The following ITK variants were observed in gnomAD, a reference collection of about 807,000 sequenced individuals.
ITK encodes the protein IL2 inducible T cell kinase, also known as tyrosine-protein kinase ITK/TSK.
Under a neutral mutation model 87.6 loss-of-function variants are expected in ITK, and 45 were observed. The observed-to-expected ratio is 0.51, with a 90% CI of 0.40 to 0.66. ITK has a LOEUF of 0.66. Ranked by LOEUF, ITK falls within the 30% of genes least tolerant of loss-of-function variation. The pLI is 0.00. For synonymous variants in ITK, 303 were observed against 273.6 expected (o/e 1.11, Z -1.06); for missense variants, 605 against 766.3 (o/e 0.79, Z 2.48).
At chr5:157,222,783 T>TC in intron 5 of ITK, 80 bp from the exon 6 acceptor site, 1 of 1,412,048 alleles carries the variant, frequency 7.1e-7, no homozygotes, top group Non-Finnish European at 1.0e-6. Flanking sequence ...GCAGACTGTC[T>TC]CCCCAGACAC....
rs1402293533 is a variant in ITK, at chr5:157,209,006, G to T, written c.243+13G>T. 2 of 1,539,704 alleles carry T rather than the reference G, an allele frequency of 1.3e-6. No homozygotes were observed. Among genetic ancestry groups the T allele is most frequent in the Non-Finnish European group, 1.8e-6 (2 of 1,112,200 alleles). On this transcript the variant is annotated intron_variant, in intron 2 of 16. Transcript: ENST00000422843. ...ATACCCGTTTCAGGTAAGTCCATCAGGTGGGTAGTTCCCCATTCCCTGGAC... is the reference window on the plus strand; with the variant it reads ...ATACCCGTTTCAGGTAAGTCCATCATGTGGGTAGTTCCCCATTCCCTGGAC...
At chr5:157,231,941 C>T (rs1362228326) in intron 7 of ITK, among the ~76,000 whole-genome samples, 1 of 152,192 alleles carries the variant, frequency 6.6e-6, no homozygotes, top group African/African-American at 2.4e-5. Flanking sequence ...GAACTGTCTA[C>T]TGACTTATGA....
chr5:157,210,722 G>A (rs1754174520), intron 2 of ITK, among the ~76,000 whole-genome samples: 1 of 112,940 alleles, frequency 8.9e-6, no homozygotes, highest in Non-Finnish European at 1.7e-5. Context: ...AGTCCCCAGA[G>A]TGTGATATTC....
chr5:157,204,063 G>A (rs530866416), intron 1 of ITK, among the ~76,000 whole-genome samples: 17 of 152,182 alleles, frequency 1.1e-4, no homozygotes, highest in South Asian at 4.1e-4. Context: ...TGGGGTCGAC[G>A]GCACCATCAC....
chr5:157,232,622 G>A (rs1421973981), intron 8 of ITK, among the ~76,000 whole-genome samples: 1 of 151,880 alleles, frequency 6.6e-6, no homozygotes, highest in African/African-American at 2.4e-5. Flanking sequence ...AGGGAAGAAA[G>A]GTAAAAATGA....
intron 1 of ITK, among the ~76,000 whole-genome samples, chr5:157,181,820 C>A (rs1753534943): frequency 6.6e-6 from 1 of 152,172 alleles, no homozygotes; most frequent in South Asian, 2.1e-4. Context: ...CTAGGTCAGT[C>A]TATCTCTTTA....
At chr5:157,247,934 A>T (rs975711578) in intron 15 of ITK, among the ~76,000 whole-genome samples, 1 of 152,178 alleles carries the variant, frequency 6.6e-6, no homozygotes, top group Non-Finnish European at 1.5e-5. Flanking sequence ...TTTCAAAAAA[A>T]TTTTCACTAA....
At chr5:157,239,500 C>T (rs917428182) in intron 9 of ITK, among the ~76,000 whole-genome samples, 3 of 112,582 alleles carry the variant, frequency 2.7e-5, no homozygotes, top group African/African-American at 6.2e-5. Flanking sequence ...GGAAAACAAG[C>T]GTTCACCATA....
intron 6 of ITK, chr5:157,224,406 C>T (rs1019099946): frequency 2.6e-5 from 4 of 152,170 alleles, no homozygotes; most frequent in African/African-American, 9.6e-5. Context: ...CTGCATCTTG[C>T]TTTTAATTTT....
intron 6 of ITK, 119 bp from the exon 7 acceptor site, chr5:157,228,177 G>T (rs911499838): frequency 7.5e-5 from 55 of 730,628 alleles, no homozygotes; most frequent in Non-Finnish European, 1.2e-4. Flanking sequence ...ATGTCTTATC[G>T]CAAATGCCAA....
chr5:157,227,334 G>T (rs1754552179), intron 6 of ITK, among the ~76,000 whole-genome samples: 1 of 152,172 alleles, frequency 6.6e-6, no homozygotes, highest in Non-Finnish European at 1.5e-5. Context: ...AAAGAAGTTT[G>T]ATATTCTTAT....
At chr5:157,214,412 A>C in intron 4 of ITK, 93 bp downstream of exon 4, 2 of 1,029,556 alleles carry the variant, frequency 1.9e-6, no homozygotes, top group Non-Finnish European at 3.1e-6. Flanking sequence ...TCAGGAACAG[A>C]ATGCAAAATT....
intron 5 of ITK, among the ~76,000 whole-genome samples, chr5:157,218,872 C>G (rs1223072220): frequency 6.6e-6 from 1 of 152,148 alleles, no homozygotes. Flanking sequence ...AGGCCCCACC[C>G]CCAGACCTGC....
At chr5:157,219,299 G>A (rs2113758856) in intron 5 of ITK, among the ~76,000 whole-genome samples, 1 of 151,992 alleles carries the variant, frequency 6.6e-6, no homozygotes, top group South Asian at 2.1e-4. Flanking sequence ...TTTTAATAGA[G>A]ACCGACTTTT....
chr5:157,200,434 A>AT (rs1414928347), intron 1 of ITK, among the ~76,000 whole-genome samples: 1 of 152,092 alleles, frequency 6.6e-6, no homozygotes, highest in Non-Finnish European at 1.5e-5. Flanking sequence ...TTACCCTGGC[A>AT]TTTTTCAGAA....
intron 6 of ITK, among the ~76,000 whole-genome samples, chr5:157,226,106 G>T (rs1754525852): frequency 6.6e-6 from 1 of 152,214 alleles, no homozygotes; most frequent in Non-Finnish European, 1.5e-5. Flanking sequence ...AGCTACTCTT[G>T]TCATATGAAG....
chr5:157,193,468 T>G (rs1423457938), intron 1 of ITK, among the ~76,000 whole-genome samples: 1 of 152,214 alleles, frequency 6.6e-6, no homozygotes, highest in African/African-American at 2.4e-5. Flanking sequence ...CAGCCAATAT[T>G]TAATGAGTTC....
In ITK at chr5:157,253,095, C is replaced by T. The variant is rs930437652; in HGVS notation, c.*417C>T. ...GGTTCCAGGGACTTTTTATTTGACC[C>T]AACAACACAGTATCCCAGGATATGG... On this transcript the variant is annotated 3_prime_UTR_variant, in exon 17 of 17. Transcript: ENST00000422843. 22 of 341,616 alleles carry T rather than the reference C, an allele frequency of 6.4e-5. No homozygotes were observed. The highest frequency in any genetic ancestry group is 4.5e-4 in the African/African-American group (22 of 49,338). 21.2% of individuals were successfully genotyped at this position (341,616 alleles called of 1,614,324 possible).
intron 4 of ITK, among the ~76,000 whole-genome samples, chr5:157,217,541 T>A (rs1010028010): frequency 6.6e-6 from 1 of 152,166 alleles, no homozygotes; most frequent in Non-Finnish European, 1.5e-5. Context: ...GAAGTCTCTA[T>A]GCCTACAGGG....
Sources: gnomAD v4.1 joint callset for allele counts (sites outside exome capture counted in the v4.1 genomes callset) on GRCh38, gnomAD v4.1.1 for gene constraint, MANE v1.5 for transcripts, NCBI Gene and HGNC (gene_info 2026-07-23, HGNC 2026-07-21) for gene names.